Variants in SLC52A3 observed in about 807,000 individuals in gnomAD.
The protein encoded by SLC52A3 is solute carrier family 52, riboflavin transporter, member 3.
Under a neutral mutation model 29.5 loss-of-function variants are expected in SLC52A3, and 20 were observed. The observed-to-expected ratio is 0.68, with a 90% CI of 0.48 to 0.99. The LOEUF is 0.99. Ranked by LOEUF, SLC52A3 falls within the 50% of genes least tolerant of loss-of-function variation. The probability of loss-of-function intolerance (pLI) is 0.00; values close to 1 mark genes in which losing one functional copy is unlikely to be tolerated. For synonymous variants in SLC52A3, 301 were observed against 271.0 expected (o/e 1.11, Z -1.09); for missense variants, 548 against 612.9 (o/e 0.89, Z 1.12).
rs1053780179 is a variant in SLC52A3, at chr20:767,479, C to T, written c.-52+818G>A. Among the ~76,000 whole-genome samples the T allele has an allele frequency of 4.1e-4, 63 of 152,000 alleles. 1 individual carries two copies. Among genetic ancestry groups the T allele is most frequent in the Non-Finnish European group, 1.2e-4 (8 of 68,008 alleles). On this transcript the variant is annotated intron_variant, in intron 1 of 4. Coordinates refer to ENST00000645534, the MANE Select transcript of SLC52A3 (RefSeq NM_033409.4). Reference sequence around the variant, plus strand: ...CAAGTGATTCTCCTGCCTCAGCCTCCCAAGTAGCTGGGACTACAGGCGCCC... The same window carrying T: ...CAAGTGATTCTCCTGCCTCAGCCTCTCAAGTAGCTGGGACTACAGGCGCCC...
At chr20:778,668 G>A (rs1745523664), upstream of SLC52A3, among the ~76,000 whole-genome samples, 1 of 151,904 alleles carries the variant, frequency 6.6e-6, no homozygotes, top group South Asian at 2.1e-4. Context: ...TGATGCCAAG[G>A]GAGAAGTTAA....
At chr20:771,610 T>G (rs1227763057), upstream of SLC52A3, among the ~76,000 whole-genome samples, 1 of 131,332 alleles carries the variant, frequency 7.6e-6, no homozygotes, top group Admixed American at 8.2e-5. Flanking sequence ...TGATCAAAAA[T>G]CAAAATTTAA....
upstream of SLC52A3, among the ~76,000 whole-genome samples, chr20:772,059 A>G (rs2122547455): frequency 6.6e-6 from 1 of 152,376 alleles, no homozygotes; most frequent in South Asian, 2.1e-4. Flanking sequence ...TGCCATATGA[A>G]AAGCTATTAA....
upstream of SLC52A3, among the ~76,000 whole-genome samples, chr20:776,862 G>T (rs550507458): frequency 6.6e-6 from 1 of 151,660 alleles, no homozygotes; most frequent in Non-Finnish European, 1.5e-5. Flanking sequence ...CTTTTGGGGG[G>T]GGGGCCACAG....
upstream of SLC52A3, among the ~76,000 whole-genome samples, chr20:771,669 G>GAAAAAA (rs10624782): frequency 7.8e-6 from 1 of 128,626 alleles, no homozygotes. Context: ...GCAGAGATAT[G>GAAAAAA]AAAAAAAAAA....
At chr20:764,036 G>T in intron 2 of SLC52A3, 33 bp from the exon 3 acceptor site, 1 of 1,212,458 alleles carries the variant, frequency 8.2e-7, no homozygotes, top group Non-Finnish European at 1.2e-6. Context: ...CTGGTCAGGG[G>T]AGGGGATCAG....
chr20:760,855 C>T lies in SLC52A3; in HGVS notation c.*171G>A. ...GTGTGACACAGAGTTGGGGATAGAG[C>T]CGCACCTTGCATTTCCAGGTGCCAT... On this transcript the variant is annotated 3_prime_UTR_variant, in exon 5 of 5. Coordinates refer to ENST00000645534, the MANE Select transcript of SLC52A3 (RefSeq NM_033409.4). The surrounding 1 kb of genome is among the most constrained non-coding windows in gnomAD (Gnocchi z 4.9). 1 of 659,892 alleles carries T rather than the reference C, an allele frequency of 1.5e-6. No individual in the cohort carries two copies. The highest frequency in any genetic ancestry group is 2.6e-6 in the Non-Finnish European group (1 of 380,918). 40.9% of individuals were successfully genotyped at this position (659,892 alleles called of 1,614,324 possible).
intron 3 of SLC52A3, 42 bp from the exon 4 acceptor site, chr20:761,866 A>G (rs748562448): frequency 6.2e-7 from 1 of 1,613,574 alleles, no homozygotes; most frequent in African/African-American, 1.3e-5. Context: ...GAGAAGCCTG[A>G]CCTCTGACCC....
upstream of SLC52A3, among the ~76,000 whole-genome samples, chr20:776,456 C>T (rs185116584): frequency 5.5e-4 from 83 of 152,288 alleles, 1 homozygote; most frequent in African/African-American, 1.9e-3. Context: ...GAAATTAATG[C>T]ATTTAATCTT....
chr20:767,000 T>C (rs1421462528), intron 1 of SLC52A3, among the ~76,000 whole-genome samples: 1 of 151,918 alleles, frequency 6.6e-6, no homozygotes, highest in Non-Finnish European at 1.5e-5. Flanking sequence ...AAATGACTCA[T>C]GTTCAAGGTT....
chr20:776,027 C>T (rs903768392), upstream of SLC52A3: 4 of 152,286 alleles, frequency 2.6e-5, no homozygotes, highest in Admixed American at 6.6e-5. Flanking sequence ...AAGCTGTCCC[C>T]GCCCAGAGCT....
upstream of SLC52A3, among the ~76,000 whole-genome samples, chr20:777,689 GC>G (rs1313819440): frequency 6.6e-6 from 1 of 152,202 alleles, no homozygotes; most frequent in Non-Finnish European, 1.5e-5. Context: ...CCAGGCTAAT[GC>G]TTGGGGCGAG....
rs892890925 is a variant in SLC52A3, at chr20:763,498, C to G, written c.1073G>C (p.Arg358Thr). The change falls in exon 3 of 5, where the codon AGG becomes ACG. Residue 358 changes from arginine to threonine, a missense_variant and splice_region_variant. Arg to Thr is a moderately conservative substitution (Grantham distance 71). Coordinates refer to ENST00000645534, the MANE Select transcript of SLC52A3 (RefSeq NM_033409.4). ...TCCCTAGGACCAGATGAGGGCACAC[C>G]TGTTAGGCAGGAACATGGAGACCAA... ...ASLVSMFLPN[R>T]SLLFLGVLSV... 4 of 1,613,940 alleles carry G rather than the reference C, an allele frequency of 2.5e-6. No homozygotes were observed. In the Admixed American group the frequency reaches 5.0e-5, roughly 20 times the overall value.
At position 765,714 on chromosome 20, in the gene SLC52A3, T is replaced by G; in HGVS notation, c.61A>C (p.Asn21His). 6.2e-7 allele frequency: 1 copy of G among 1,613,490 alleles called. No homozygotes were observed. The highest frequency in any genetic ancestry group is 8.5e-7 in the Non-Finnish European group (1 of 1,179,916). The change falls in exon 2 of 5, where the codon AAT becomes CAT. Residue 21 changes from asparagine to histidine, a missense_variant. Physicochemically the swap from Asn to His is moderately conservative, Grantham distance 68. Transcript: ENST00000645534. The surrounding 1 kb of genome is among the most constrained non-coding windows in gnomAD (Gnocchi z 6.6). ...AGGGGCAGCTCTACCCAGAGCCCAT[T>G]GATGGTCACCCAGGAGCCCATTCCG... ...VFGMGSWVTI[N>H]GLWVELPLLV... is the part of the protein sequence containing the mutation.
intron 1 of SLC52A3, among the ~76,000 whole-genome samples, chr20:775,510 G>A (rs1346256133): frequency 1.3e-5 from 2 of 152,198 alleles, no homozygotes; most frequent in East Asian, 3.9e-4. Flanking sequence ...AACTCCCTGA[G>A]CTCAAGCGAT....
At chr20:777,315 C>T (rs948901099), upstream of SLC52A3, among the ~76,000 whole-genome samples, 2 of 151,978 alleles carry the variant, frequency 1.3e-5, no homozygotes, top group African/African-American at 2.4e-5. Context: ...AAAGGCCAAC[C>T]TGCAACAGTG....
At chr20:774,972 C>T (rs1449541276) in intron 1 of SLC52A3, among the ~76,000 whole-genome samples, 1 of 152,264 alleles carries the variant, frequency 6.6e-6, no homozygotes, top group East Asian at 1.9e-4. Flanking sequence ...GAATGCCCAG[C>T]CTTTCTGGGC....
intron 4 of SLC52A3, 118 bp from the exon 5 acceptor site, chr20:761,356 G>A: frequency 3.4e-6 from 4 of 1,185,392 alleles, no homozygotes; most frequent in South Asian, 1.6e-5. Flanking sequence ...TGCGAGGAGC[G>A]CCTTCTGGGA....
rs769265143 is a variant in SLC52A3 at position 761,787 on chromosome 20, T to C, written c.1111A>G (p.Thr371Ala). 1 of 1,613,850 alleles carries C rather than the reference T, an allele frequency of 6.2e-7. No homozygotes were observed. Among genetic ancestry groups the C allele is most frequent in the Non-Finnish European group, 8.5e-7 (1 of 1,179,928 alleles). Residue 371 changes from threonine (T) to alanine (A), a missense_variant, in exon 4 of 5, where the codon ACC (threonine) becomes GCC (alanine). Thr to Ala is a moderately conservative substitution (Grantham distance 58). This residue lies in a region of SLC52A3 where 173 missense variants were observed against 141.8 expected (regional missense o/e 1.22). Transcript: ENST00000645534. ...GCCATGTTGTAGCCCCCAAAGCAGG[T>C]CCCAAGCACGGAGAGGACCCCCAGG... ...LFLGVLSVLG[T>A]CFGGYNMAMA...
Sources: allele counts gnomAD v4.1 joint callset (sites outside exome capture counted in the v4.1 genomes callset), GRCh38; gene constraint gnomAD v4.1.1; regional missense constraint gnomAD v4.1.1; non-coding constraint Gnocchi (gnomAD v3.1); transcripts MANE v1.5; gene names NCBI Gene and HGNC (gene_info 2026-07-23, HGNC 2026-07-21).